Variants in CNTNAP2 observed in about 807,000 individuals in gnomAD.
CNTNAP2 encodes contactin-associated protein-like 2.
Under a neutral mutation model 155.2 loss-of-function variants are expected in CNTNAP2, and 98 were observed. That is an observed-to-expected ratio of 0.63 (90% CI 0.54 to 0.75). The LOEUF (loss-of-function observed/expected upper bound fraction) is 0.75. Among genes scored for constraint, CNTNAP2 ranks in the 30% least tolerant of loss-of-function variants. The pLI, the probability that CNTNAP2 is intolerant of heterozygous loss-of-function variation, is 0.00. For missense variants in CNTNAP2, 1,727 were observed against 1,688.1 expected, an observed-to-expected ratio of 1.02 and a Z score of -0.40; for synonymous variants, 651 against 631.2, an observed-to-expected ratio of 1.03 and a Z score of -0.47.
At chr7:146,906,438 C>T (rs1313201755) in intron 3 of CNTNAP2, among the ~76,000 whole-genome samples, 7 of 152,096 alleles carry the variant, frequency 4.6e-5, no homozygotes, top group East Asian at 1.9e-4. Context: ...GTTCTCCCAG[C>T]ACGCAGCTGG....
intron 20 of CNTNAP2, among the ~76,000 whole-genome samples, chr7:148,262,822 G>T (rs1796587896): frequency 6.6e-6 from 1 of 152,150 alleles, no homozygotes; most frequent in Non-Finnish European, 1.5e-5. Flanking sequence ...AGACAAAATT[G>T]CAGAATGGTC....
At chr7:146,369,925 T>C (rs1471802847) in intron 1 of CNTNAP2, among the ~76,000 whole-genome samples, 5 of 152,196 alleles carry the variant, frequency 3.3e-5, no homozygotes, top group Admixed American at 6.5e-5. Flanking sequence ...ATTTGGGATA[T>C]GCTTAGAAAA....
intron 2 of CNTNAP2, among the ~76,000 whole-genome samples, chr7:146,788,063 CCT>C (rs1802606875): frequency 6.6e-6 from 1 of 152,228 alleles, no homozygotes; most frequent in Non-Finnish European, 1.5e-5. Context: ...GCTGGCTTCA[CCT>C]CTCAATGGCA....
intron 8 of CNTNAP2, among the ~76,000 whole-genome samples, chr7:147,157,217 A>G (rs932419887): frequency 1.3e-5 from 2 of 152,114 alleles, no homozygotes; most frequent in Non-Finnish European, 2.9e-5. Flanking sequence ...TGATGCCAGA[A>G]ACATTCACAT....
At chr7:147,879,284 C>T (rs1053747708) in intron 13 of CNTNAP2, among the ~76,000 whole-genome samples, 14 of 152,184 alleles carry the variant, frequency 9.2e-5, no homozygotes, top group South Asian at 2.1e-4. Context: ...ACTTTGACGA[C>T]GAAGGCATCA....
intron 2 of CNTNAP2, among the ~76,000 whole-genome samples, chr7:146,787,575 C>G (rs1386040842): frequency 6.6e-6 from 1 of 152,148 alleles, no homozygotes; most frequent in Non-Finnish European, 1.5e-5. Context: ...TGTTACAGCT[C>G]ATAAATGCCG....
intron 1 of CNTNAP2, chr7:146,208,906 T>C (rs373394492): frequency 2.6e-5 from 4 of 152,022 alleles, no homozygotes; most frequent in East Asian, 3.9e-4. Flanking sequence ...TAAAAATAAC[T>C]GCTAAGATTT....
At chr7:146,855,989 A>G (rs1794974585) in intron 3 of CNTNAP2, among the ~76,000 whole-genome samples, 1 of 151,666 alleles carries the variant, frequency 6.6e-6, no homozygotes, top group Admixed American at 6.6e-5. Flanking sequence ...AATCAGATCT[A>G]GTTAGAAAAA....
chr7:147,878,068 C>T (rs773022989), intron 13 of CNTNAP2, among the ~76,000 whole-genome samples: 3 of 151,858 alleles, frequency 2.0e-5, no homozygotes, highest in Non-Finnish European at 4.4e-5. Flanking sequence ...ATGGTTTTTG[C>T]AGCTATGGTA....
intron 1 of CNTNAP2, among the ~76,000 whole-genome samples, chr7:146,483,071 T>C (rs1172226611): frequency 6.6e-6 from 1 of 150,956 alleles, no homozygotes; most frequent in East Asian, 2.0e-4. Context: ...GGTCAGGAGA[T>C]GGAGACCATC....
intron 15 of CNTNAP2, among the ~76,000 whole-genome samples, chr7:147,988,335 A>G (rs1019884241): frequency 1.3e-5 from 2 of 152,204 alleles, no homozygotes; most frequent in African/African-American, 4.8e-5. Flanking sequence ...AAAGAGATCT[A>G]GCTATGTTAA....
At chr7:146,796,611 G>A (rs1036663896) in intron 2 of CNTNAP2, among the ~76,000 whole-genome samples, 3 of 152,072 alleles carry the variant, frequency 2.0e-5, no homozygotes, top group African/African-American at 7.2e-5. Context: ...TGATATAACG[G>A]TATAGGGACT....
chr7:146,474,999 A>ACT (rs1796854269), intron 1 of CNTNAP2, among the ~76,000 whole-genome samples: 1 of 138,510 alleles, frequency 7.2e-6, no homozygotes, highest in Admixed American at 8.1e-5. Context: ...ACGAGCGCGC[A>ACT]CGCGCGCGCG....
chr7:146,119,649 T>C (rs7341449), intron 1 of CNTNAP2, among the ~76,000 whole-genome samples: 5,702 of 152,192 alleles, frequency 0.037, 370 homozygotes, highest in African/African-American at 0.13. Flanking sequence ...GGTGCAGTTC[T>C]AAATGATGAG....
chr7:147,304,547 G>A (rs780538654), intron 9 of CNTNAP2, among the ~76,000 whole-genome samples: 1 of 152,144 alleles, frequency 6.6e-6, no homozygotes, highest in Non-Finnish European at 1.5e-5. Flanking sequence ...GTGGGCTGAA[G>A]AGGAGAGATA....
intron 13 of CNTNAP2, among the ~76,000 whole-genome samples, chr7:147,857,698 G>A (rs576276166): frequency 6.6e-6 from 1 of 152,140 alleles, no homozygotes; most frequent in Non-Finnish European, 1.5e-5. Flanking sequence ...CCTCTAAGAA[G>A]TACAGCCCAT....
At chr7:146,547,928 C>T (rs1399804122) in intron 1 of CNTNAP2, among the ~76,000 whole-genome samples, 2 of 151,534 alleles carry the variant, frequency 1.3e-5, no homozygotes, top group Non-Finnish European at 2.9e-5. Context: ...TGCATGGGCT[C>T]CATATCCTCA....
At chr7:147,138,994 T>C (rs960768851) in intron 8 of CNTNAP2, among the ~76,000 whole-genome samples, 2 of 151,996 alleles carry the variant, frequency 1.3e-5, no homozygotes, top group Admixed American at 6.6e-5. Context: ...CAGATATCAC[T>C]AGTTGATACT....
chr7:147,983,116 G>A (rs900127799), intron 15 of CNTNAP2, among the ~76,000 whole-genome samples: 8 of 151,084 alleles, frequency 5.3e-5, no homozygotes, highest in Non-Finnish European at 1.2e-4. Flanking sequence ...CAACAGGGGC[G>A]CACATGGCAG....
Sources: gnomAD v4.1 joint callset for allele counts (sites outside exome capture counted in the v4.1 genomes callset) on GRCh38, gnomAD v4.1.1 for gene constraint, MANE v1.5 for transcripts, NCBI Gene and HGNC (gene_info 2026-07-23, HGNC 2026-07-21) for gene names.